The following PIP5K1B variants were observed in gnomAD, a reference collection of about 807,000 sequenced individuals.
The protein encoded by PIP5K1B is phosphatidylinositol-4-phosphate 5-kinase type 1 beta.
A neutral mutation model predicts 67.0 loss-of-function variants in PIP5K1B; 42 were observed. The observed-to-expected ratio is 0.63, with a 90% CI of 0.49 to 0.81. PIP5K1B has a LOEUF of 0.81. PIP5K1B is among the 30% of genes least tolerant of loss of function. The pLI, the probability that PIP5K1B is intolerant of heterozygous loss-of-function variation, is 0.00. For missense variants in PIP5K1B, 459 were observed against 646.3 expected (o/e 0.71, Z 3.14); for synonymous variants, 214 against 231.4 (o/e 0.92, Z 0.68).
Position 68,889,531 on chromosome 9 carries a change from A to G in PIP5K1B, c.471+398A>G, listed in dbSNP as rs1587621889. Among the ~76,000 whole-genome samples, 5 of 152,066 alleles carry G rather than the reference A, an allele frequency of 3.3e-5. No individual in the cohort carries two copies. The South Asian group carries it at 1.0e-3, about 32-fold the overall frequency. On this transcript the variant is annotated intron_variant, in intron 7 of 15. Coordinates refer to ENST00000265382, the MANE Select transcript of PIP5K1B (RefSeq NM_003558.4). ...AGGCAGATCACAAGGTCAGGAGATT[A>G]AGACCATCCTGGCTAACACAGTGAA...
At chr9:68,923,176 T>C (rs1826497760) in intron 11 of PIP5K1B, 126 bp from the exon 12 acceptor site, 2 of 690,310 alleles carry the variant, frequency 2.9e-6, no homozygotes, top group African/African-American at 1.8e-5. Context: ...CATTCCTGTT[T>C]TCTATCTCTG....
At chr9:68,861,946 CT>C (rs1295898705) in intron 4 of PIP5K1B, among the ~76,000 whole-genome samples, 1 of 150,148 alleles carries the variant, frequency 6.7e-6, no homozygotes, top group Non-Finnish European at 1.5e-5. Flanking sequence ...GGGCTTAAGT[CT>C]TAGTCTTTTG....
intron 14 of PIP5K1B, among the ~76,000 whole-genome samples, chr9:68,989,168 AG>A (rs1381442363): frequency 1.2e-4 from 18 of 150,766 alleles, no homozygotes; most frequent in South Asian, 6.3e-4. Context: ...TAAAAAGGTC[AG>A]GGCTTTTAAT....
At chr9:68,901,200 CAAA>C (rs1825335869) in intron 8 of PIP5K1B, among the ~76,000 whole-genome samples, 1 of 152,138 alleles carries the variant, frequency 6.6e-6, no homozygotes, top group Admixed American at 6.5e-5. Flanking sequence ...AGACTTCAAT[CAAA>C]ACATGAAAAG....
At chr9:68,998,067 C>CT (rs1830670572) in intron 15 of PIP5K1B, among the ~76,000 whole-genome samples, 1 of 135,590 alleles carries the variant, frequency 7.4e-6, no homozygotes, top group African/African-American at 2.9e-5. Flanking sequence ...TTTCTTTTTT[C>CT]TTTTCTTTTT....
At chr9:68,968,969 C>G (rs943176951) in intron 14 of PIP5K1B, among the ~76,000 whole-genome samples, 3 of 152,088 alleles carry the variant, frequency 2.0e-5, no homozygotes, top group African/African-American at 7.2e-5. Flanking sequence ...CCAGACAAAC[C>G]TGGGTTGGAA....
rs1274524152 is a variant in PIP5K1B at position 68,711,223 on chromosome 9, C to T, written c.-243+5461C>T. Among the ~76,000 whole-genome samples, 9 of 152,286 alleles carry T rather than the reference C, an allele frequency of 5.9e-5. No homozygotes were observed. In the South Asian group the frequency reaches 1.2e-3, roughly 21 times the overall value. Reference sequence around the variant, plus strand: ...ACAGACTTAAGACATGCAGTGGATTCGACATGTTTCATAGTGGGCTTTTAA... The same window carrying T: ...ACAGACTTAAGACATGCAGTGGATTTGACATGTTTCATAGTGGGCTTTTAA... On this transcript the variant is annotated intron_variant, in intron 1 of 15. Coordinates refer to ENST00000265382, the MANE Select transcript of PIP5K1B (RefSeq NM_003558.4).
At chr9:68,754,794 T>C (rs898269888) in intron 2 of PIP5K1B, among the ~76,000 whole-genome samples, 7 of 152,194 alleles carry the variant, frequency 4.6e-5, no homozygotes, top group African/African-American at 1.7e-4. Context: ...ATGAGGCATC[T>C]TTTTTTCTGA....
chr9:68,942,671 G>A (rs1827622977), intron 14 of PIP5K1B, among the ~76,000 whole-genome samples: 1 of 152,016 alleles, frequency 6.6e-6, no homozygotes, highest in Non-Finnish European at 1.5e-5. Context: ...TATTTACACC[G>A]ATACTGACTA....
chr9:68,756,832 AAG>A (rs1484204950), intron 2 of PIP5K1B, among the ~76,000 whole-genome samples: 2 of 152,192 alleles, frequency 1.3e-5, no homozygotes, highest in African/African-American at 2.4e-5. Flanking sequence ...CACATTTAAA[AAG>A]AGAAACAAGT....
At chr9:68,740,191 C>T (rs1302564066) in intron 1 of PIP5K1B, among the ~76,000 whole-genome samples, 1 of 152,182 alleles carries the variant, frequency 6.6e-6, no homozygotes, top group Admixed American at 6.5e-5. Context: ...TGAATTTTCT[C>T]CCTGAAGAAA....
At chr9:68,800,457 AG>A (rs1358917227) in intron 2 of PIP5K1B, among the ~76,000 whole-genome samples, 1 of 152,202 alleles carries the variant, frequency 6.6e-6, no homozygotes, top group African/African-American at 2.4e-5. Context: ...GGTTGCTTGA[AG>A]TACCTTGGGT....
chr9:68,730,171 G>A (rs1587353765), intron 1 of PIP5K1B, among the ~76,000 whole-genome samples: 1 of 152,140 alleles, frequency 6.6e-6, no homozygotes, highest in African/African-American at 2.4e-5. Context: ...AGCATAGAAT[G>A]GTTACATACA....
intron 12 of PIP5K1B, among the ~76,000 whole-genome samples, chr9:68,923,810 G>A (rs1208477568): frequency 6.6e-6 from 1 of 152,130 alleles, no homozygotes; most frequent in Non-Finnish European, 1.5e-5. Context: ...ACATTCTCTA[G>A]GATGGATCAT....
intron 8 of PIP5K1B, among the ~76,000 whole-genome samples, chr9:68,908,152 A>G (rs540635956): frequency 6.6e-6 from 1 of 152,328 alleles, no homozygotes; most frequent in South Asian, 2.1e-4. Flanking sequence ...GCCACAATGA[A>G]GTAAATCATT....
intron 4 of PIP5K1B, among the ~76,000 whole-genome samples, chr9:68,860,561 A>C (rs906824506): frequency 6.6e-6 from 1 of 152,182 alleles, no homozygotes; most frequent in Admixed American, 6.5e-5. Flanking sequence ...TGCTTTGTTG[A>C]GGTCAAACAT....
At chr9:68,886,640 T>C (rs1033180835) in intron 6 of PIP5K1B, among the ~76,000 whole-genome samples, 4 of 152,198 alleles carry the variant, frequency 2.6e-5, no homozygotes, top group African/African-American at 9.7e-5. Context: ...AAGCAATTGA[T>C]CTTTTATCCG....
chr9:68,785,501 A>T (rs1831559680), intron 2 of PIP5K1B, among the ~76,000 whole-genome samples: 1 of 152,222 alleles, frequency 6.6e-6, no homozygotes, highest in Admixed American at 6.5e-5. Context: ...CAAGTAAAAA[A>T]ATTTTCTTAA....
At chr9:68,979,703 C>T (rs1208377010) in intron 14 of PIP5K1B, among the ~76,000 whole-genome samples, 1 of 152,180 alleles carries the variant, frequency 6.6e-6, no homozygotes, top group Admixed American at 6.5e-5. Context: ...CTCTTCCTGC[C>T]TATGGGTTCT....
Sources: gnomAD v4.1 joint callset for allele counts (sites outside exome capture counted in the v4.1 genomes callset) on GRCh38, gnomAD v4.1.1 for gene constraint, MANE v1.5 for transcripts, NCBI Gene and HGNC (gene_info 2026-07-23, HGNC 2026-07-21) for gene names.